Variants in PELI2 observed in about 807,000 individuals in gnomAD.
The protein encoded by PELI2 is E3 ubiquitin-protein ligase pellino homolog 2.
A neutral mutation model predicts 42.3 loss-of-function variants in PELI2; 23 were observed. The observed-to-expected ratio is 0.54, with a 90% confidence interval of 0.39 to 0.77. The LOEUF (loss-of-function observed/expected upper bound fraction) is 0.77, where lower values mean the gene tolerates loss of function less well. Among genes scored for constraint, PELI2 ranks in the 30% least tolerant of loss-of-function variants. The probability of loss-of-function intolerance (pLI) is 0.00; values close to 1 mark genes in which losing one functional copy is unlikely to be tolerated. For synonymous variants in PELI2, 245 were observed against 212.2 expected (o/e 1.15, Z -1.34); for missense variants, 463 against 553.2 (o/e 0.84, Z 1.64).
intron 2 of PELI2, among the ~76,000 whole-genome samples, chr14:56,266,922 A>G (rs1487453259): frequency 6.6e-6 from 1 of 152,112 alleles, no homozygotes; most frequent in African/African-American, 2.4e-5. Flanking sequence ...CATTATATAG[A>G]CAATTCTATA....
chr14:56,235,291 G>GA (rs1475007444), intron 2 of PELI2, among the ~76,000 whole-genome samples: 1 of 151,968 alleles, frequency 6.6e-6, no homozygotes, highest in Non-Finnish European at 1.5e-5. Context: ...AAGGCCTAAA[G>GA]AAAAAAGATT....
At chr14:56,205,320 A>G (rs1552016) in intron 2 of PELI2, among the ~76,000 whole-genome samples, 61,185 of 152,014 alleles carry the variant, frequency 0.4, 13,028 homozygotes, top group South Asian at 0.53. Context: ...TACTGGTAGT[A>G]TAGTGGAGTC....
At chr14:56,184,518 ATTG>A (rs1466855096) in intron 2 of PELI2, among the ~76,000 whole-genome samples, 1 of 152,066 alleles carries the variant, frequency 6.6e-6, no homozygotes, top group East Asian at 1.9e-4. Flanking sequence ...AACTTGGCTA[ATTG>A]TTGTTTTCAA....
chr14:56,237,950 T>C (rs2139786803), intron 2 of PELI2, among the ~76,000 whole-genome samples: 1 of 152,132 alleles, frequency 6.6e-6, no homozygotes, highest in South Asian at 2.1e-4. Flanking sequence ...ATCTTATTCA[T>C]CCTCGAATTA....
At chr14:56,275,096 T>C (rs1041975283) in intron 2 of PELI2, among the ~76,000 whole-genome samples, 3 of 151,874 alleles carry the variant, frequency 2.0e-5, no homozygotes, top group Admixed American at 2.0e-4. Context: ...ATTCATTCGT[T>C]TGACATTCAT....
intron 1 of PELI2, among the ~76,000 whole-genome samples, chr14:56,127,662 G>T (rs1263425140): frequency 6.6e-6 from 1 of 152,180 alleles, no homozygotes; most frequent in African/African-American, 2.4e-5. Flanking sequence ...AGAGCTACAG[G>T]CCTAGAATCC....
chr14:56,184,811 G>C (rs942596494), intron 2 of PELI2, among the ~76,000 whole-genome samples: 2 of 152,016 alleles, frequency 1.3e-5, no homozygotes, highest in African/African-American at 4.8e-5. Flanking sequence ...GGAAATTATT[G>C]AAAGAATTTG....
chr14:56,250,497 C>G (rs1888307460), intron 2 of PELI2, among the ~76,000 whole-genome samples: 1 of 152,120 alleles, frequency 6.6e-6, no homozygotes, highest in Admixed American at 6.6e-5. Context: ...AGTAAGGAAG[C>G]CGACAGTGCA....
chr14:56,261,068 G>A (rs1052912960), intron 2 of PELI2, among the ~76,000 whole-genome samples: 8 of 151,958 alleles, frequency 5.3e-5, no homozygotes, highest in African/African-American at 1.9e-4. Flanking sequence ...TCTGGCTGCA[G>A]GGAGATAGCT....
At position 56,197,281 on chromosome 14, in the gene PELI2, A is replaced by T. The variant is rs1886162504; in HGVS notation, c.207+18817A>T. Among the ~76,000 whole-genome samples the T allele has an allele frequency of 6.6e-6, 1 of 152,218 alleles. No homozygotes were observed. Among genetic ancestry groups the T allele is most frequent in the Non-Finnish European group, 1.5e-5 (1 of 68,034 alleles). On this transcript the variant is annotated intron_variant, in intron 2 of 5. Coordinates refer to ENST00000267460, the MANE Select transcript of PELI2 (RefSeq NM_021255.3). This position sits in a 1 kb window ranked among gnomAD's most constrained non-coding sequence, Gnocchi z 4.9. The stretch of plus-strand genomic sequence containing the variant: ...AGGGACACATATTTAAGTTTTGATG[A>T]GTTATGAAGGCATACATAGAGTTTA...
At chr14:56,150,918 T>C (rs1471315469) in intron 1 of PELI2, among the ~76,000 whole-genome samples, 1 of 152,206 alleles carries the variant, frequency 6.6e-6, no homozygotes. Context: ...GATTCCTTCA[T>C]CCTTGACCCT....
intron 2 of PELI2, among the ~76,000 whole-genome samples, chr14:56,218,918 A>G (rs1460131999): frequency 6.6e-6 from 1 of 152,188 alleles, no homozygotes; most frequent in Non-Finnish European, 1.5e-5. Context: ...GGTGGTAACT[A>G]TGAAGGGGTT....
At chr14:56,223,963 A>T (rs748525452) in intron 2 of PELI2, among the ~76,000 whole-genome samples, 3 of 151,998 alleles carry the variant, frequency 2.0e-5, no homozygotes, top group Non-Finnish European at 4.4e-5. Context: ...GTGGAGATCG[A>T]TGTACTTTAG....
chr14:56,195,413 G>A (rs1338459172), intron 2 of PELI2, among the ~76,000 whole-genome samples: 2 of 152,216 alleles, frequency 1.3e-5, no homozygotes, highest in African/African-American at 4.8e-5. Flanking sequence ...CCTGTGAGCA[G>A]CCCTGGGTGG....
intron 2 of PELI2, among the ~76,000 whole-genome samples, chr14:56,218,391 A>T (rs543418646): frequency 3.3e-5 from 5 of 152,348 alleles, no homozygotes; most frequent in African/African-American, 7.2e-5. Context: ...TAGAGCAAAG[A>T]AGTAGTTCCA....
chr14:56,275,273 T>A (rs916959352), intron 2 of PELI2, among the ~76,000 whole-genome samples: 1 of 152,126 alleles, frequency 6.6e-6, no homozygotes, highest in Non-Finnish European at 1.5e-5. Flanking sequence ...ACACCAGCAG[T>A]CCCCAGCCAT....
At chr14:56,165,358 C>A (rs946965026) in intron 1 of PELI2, among the ~76,000 whole-genome samples, 1 of 152,016 alleles carries the variant, frequency 6.6e-6, no homozygotes, top group Non-Finnish European at 1.5e-5. Context: ...TTATTAATTT[C>A]TACTTTTATT....
chr14:56,274,218 A>G (rs1256855249), intron 2 of PELI2, among the ~76,000 whole-genome samples: 3 of 152,172 alleles, frequency 2.0e-5, no homozygotes, highest in Non-Finnish European at 4.4e-5. Context: ...TAGTAAGGCA[A>G]CCAACAGTGT....
chr14:56,239,242 G>A (rs980614884), intron 2 of PELI2, among the ~76,000 whole-genome samples: 1 of 152,224 alleles, frequency 6.6e-6, no homozygotes, highest in East Asian at 1.9e-4. Context: ...GCCTTTGTGA[G>A]TTTTAAATAG....
Sources: allele counts gnomAD v4.1 joint callset (sites outside exome capture counted in the v4.1 genomes callset), GRCh38; gene constraint gnomAD v4.1.1; non-coding constraint Gnocchi (gnomAD v3.1); transcripts MANE v1.5; gene names NCBI Gene and HGNC (gene_info 2026-07-23, HGNC 2026-07-21).